Variants in USP15 observed in about 807,000 individuals in gnomAD.
The protein encoded by USP15 is ubiquitin carboxyl-terminal hydrolase 15.
USP15 carries 18 observed loss-of-function variants against 127.1 expected under a neutral mutation model. The observed-to-expected ratio is 0.14, with a 90% CI of 0.10 to 0.21. USP15 has a LOEUF of 0.21. Among genes scored for constraint, USP15 ranks in the 10% least tolerant of loss-of-function variants. The probability of loss-of-function intolerance (pLI) is 1.00; values close to 1 mark genes in which losing one functional copy is unlikely to be tolerated. For missense variants in USP15, 805 were observed against 1,159.9 expected (o/e 0.69, Z 4.44); for synonymous variants, 364 against 393.7 (o/e 0.92, Z 0.89).
At chr12:62,272,946 T>C (rs1467139960) in intron 1 of USP15, among the ~76,000 whole-genome samples, 3 of 152,070 alleles carry the variant, frequency 2.0e-5, no homozygotes, top group Admixed American at 2.0e-4. Flanking sequence ...GTAAATCAAA[T>C]CATATCTCTT....
chr12:62,261,857 A>G (rs551441761), intron 1 of USP15, among the ~76,000 whole-genome samples: 3 of 152,278 alleles, frequency 2.0e-5, no homozygotes, highest in South Asian at 2.1e-4. Context: ...TAGGCTATAT[A>G]CTATGTTTGT....
chr12:62,380,096 A>G (rs2066944774), intron 8 of USP15, among the ~76,000 whole-genome samples: 1 of 152,020 alleles, frequency 6.6e-6, no homozygotes, highest in African/African-American at 2.4e-5. Flanking sequence ...GCTCACTCCA[A>G]ACATTTTAGC....
intron 7 of USP15, among the ~76,000 whole-genome samples, chr12:62,353,531 T>A (rs1407308573): frequency 6.6e-6 from 1 of 152,068 alleles, no homozygotes; most frequent in Non-Finnish European, 1.5e-5. Context: ...GTGCTCTGGC[T>A]GCTTAAATTT....
intron 3 of USP15, among the ~76,000 whole-genome samples, chr12:62,312,536 A>G (rs1032609887): frequency 1.3e-5 from 2 of 151,686 alleles, no homozygotes; most frequent in African/African-American, 4.8e-5. Context: ...ATATGTTTAC[A>G]TATCCATAAG....
chr12:62,319,925 C>T (rs866904652), intron 4 of USP15, among the ~76,000 whole-genome samples: 2 of 152,088 alleles, frequency 1.3e-5, no homozygotes, highest in Admixed American at 1.3e-4. Flanking sequence ...AAAACAGCTC[C>T]CTTCCTTGGC....
rs989481269 is a variant in USP15 at position 62,323,770 on chromosome 12, T to G, written c.622-2102T>G. Among the ~76,000 whole-genome samples the G allele has an allele frequency of 3.9e-5, 6 of 152,306 alleles. 1 individual carries two copies. Among genetic ancestry groups the G allele is most frequent in the African/African-American group, 1.4e-4 (6 of 41,566 alleles). On this transcript the variant is annotated intron_variant, in intron 5 of 21. Transcript: ENST00000280377. ...AATCCTCTGAAATGAGTGTTACTCT[T>G]TTCATCGTGTACATTAGAAAACTGA... is the stretch of plus-strand genomic sequence containing the variant.
chr12:62,386,662 A>G (rs908145260), intron 11 of USP15, among the ~76,000 whole-genome samples: 4 of 152,106 alleles, frequency 2.6e-5, no homozygotes, highest in Non-Finnish European at 2.9e-5. Context: ...AGTAGTTAAT[A>G]TGGCAAGCAG....
chr12:62,268,817 A>G (rs1026792947), intron 1 of USP15, among the ~76,000 whole-genome samples: 5 of 152,132 alleles, frequency 3.3e-5, no homozygotes, highest in South Asian at 4.1e-4. Flanking sequence ...GGGTTTTAGT[A>G]TACTCGAAAG....
chr12:62,320,065 C>T (rs1180768520), intron 4 of USP15, among the ~76,000 whole-genome samples: 5 of 152,160 alleles, frequency 3.3e-5, no homozygotes, highest in East Asian at 1.9e-4. Context: ...TACATGTTCA[C>T]TTTAATAAAA....
chr12:62,403,182 A>G (rs929944251), intron 21 of USP15, among the ~76,000 whole-genome samples: 1 of 152,068 alleles, frequency 6.6e-6, no homozygotes, highest in African/African-American at 2.4e-5. Flanking sequence ...GAACTGATTT[A>G]GGTTATACAT....
intron 20 of USP15, among the ~76,000 whole-genome samples, chr12:62,398,914 T>G (rs1187394930): frequency 6.6e-6 from 1 of 152,236 alleles, no homozygotes; most frequent in Non-Finnish European, 1.5e-5. Flanking sequence ...TATTAGTTGT[T>G]ATTAATATTT....
chr12:62,355,769 G>A (rs2066104797), intron 8 of USP15, among the ~76,000 whole-genome samples: 2 of 147,584 alleles, frequency 1.4e-5, no homozygotes, highest in Admixed American at 6.8e-5. Context: ...GGAAAAAAAA[G>A]CAAAACTAAT....
In USP15 at chr12:62,260,432, G is replaced by C. The variant is rs551032466; in HGVS notation, c.18G>C (p.Ala6=). 1.3e-6 allele frequency: 2 copies of C among 1,551,634 alleles called. No individual in the cohort carries two copies. Among genetic ancestry groups the C allele is most frequent in the East Asian group, 2.4e-5 (1 of 41,000 alleles). MAEGG[A]ADLDTQRSDI... Reference sequence around the variant, plus strand: ...GGAAGAAGATGGCGGAAGGCGGAGCGGCGGATCTGGACACCCAGCGGTCTG... The same window carrying C: ...GGAAGAAGATGGCGGAAGGCGGAGCCGCGGATCTGGACACCCAGCGGTCTG... Residue 6 remains alanine, a synonymous_variant, in exon 1 of 22, where the codon GCG becomes GCC. Coordinates refer to ENST00000280377, the MANE Select transcript of USP15 (RefSeq NM_001252078.2).
chr12:62,343,519 G>C (rs140128081), intron 6 of USP15, among the ~76,000 whole-genome samples: 85 of 152,326 alleles, frequency 5.6e-4, no homozygotes, highest in African/African-American at 2.0e-3. Context: ...TTTTGTGCTT[G>C]AAACCCAGGG....
At chr12:62,398,696 G>A (rs192295196) in intron 20 of USP15, among the ~76,000 whole-genome samples, 2 of 152,176 alleles carry the variant, frequency 1.3e-5, no homozygotes, top group African/African-American at 2.4e-5. Context: ...TTAATACATG[G>A]TCAGTTCCTT....
At chr12:62,371,376 T>C (rs1360733041) in intron 8 of USP15, among the ~76,000 whole-genome samples, 2 of 152,178 alleles carry the variant, frequency 1.3e-5, no homozygotes, top group African/African-American at 4.8e-5. Context: ...ATCTTTGGTT[T>C]TCTTTTATAT....
chr12:62,387,652 G>A (rs1459492723), intron 11 of USP15, among the ~76,000 whole-genome samples: 1 of 152,040 alleles, frequency 6.6e-6, no homozygotes, highest in South Asian at 2.1e-4. Context: ...ATAAAGAGGC[G>A]AAGACAAGCC....
intron 3 of USP15, among the ~76,000 whole-genome samples, chr12:62,304,394 T>A (rs2064413670): frequency 6.6e-6 from 1 of 152,222 alleles, no homozygotes; most frequent in East Asian, 1.9e-4. Flanking sequence ...TTATTACAGA[T>A]GCAATTTCCT....
intron 1 of USP15, among the ~76,000 whole-genome samples, chr12:62,260,809 C>T (rs955268656): frequency 2.0e-5 from 3 of 152,100 alleles, no homozygotes; most frequent in Admixed American, 6.5e-5. Context: ...TCAGGCCTTC[C>T]CGAATGATAG....
Sources: gnomAD v4.1 joint callset for allele counts (sites outside exome capture counted in the v4.1 genomes callset) on GRCh38, gnomAD v4.1.1 for gene constraint, MANE v1.5 for transcripts, NCBI Gene and HGNC (gene_info 2026-07-23, HGNC 2026-07-21) for gene names.